The following SLC6A6 variants were observed in gnomAD, a reference collection of about 807,000 sequenced individuals.
The protein encoded by SLC6A6 is sodium- and chloride-dependent taurine transporter.
SLC6A6 carries 16 observed loss-of-function variants against 68.8 expected under a neutral mutation model. The observed-to-expected ratio is 0.23, with a 90% CI of 0.16 to 0.35. The LOEUF is 0.35. SLC6A6 is among the 10% of genes least tolerant of loss of function. The pLI, the probability that SLC6A6 is intolerant of heterozygous loss-of-function variation, is 1.00. For missense variants in SLC6A6, 474 were observed against 802.8 expected (o/e 0.59, Z 4.95); for synonymous variants, 312 against 315.4 (o/e 0.99, Z 0.12).
At chr3:14,406,455 T>C (rs1011971891) in intron 1 of SLC6A6, among the ~76,000 whole-genome samples, 11 of 151,908 alleles carry the variant, frequency 7.2e-5, no homozygotes, top group African/African-American at 2.4e-4. Context: ...GGAACTGGGG[T>C]CCAGGAGACG....
chr3:14,406,528 AAACAT>A (rs1304211661), intron 1 of SLC6A6, among the ~76,000 whole-genome samples: 1 of 152,154 alleles, frequency 6.6e-6, no homozygotes, highest in Non-Finnish European at 1.5e-5. Context: ...CTCTTTCTGT[AAACAT>A]GGGGGTGAAG....
rs1195285917 is a variant in SLC6A6 at position 14,477,045 on chromosome 3, A to G, written c.1210-160A>G. On this transcript the variant is annotated intron_variant, in intron 10 of 14. Coordinates refer to ENST00000622186, the MANE Select transcript of SLC6A6 (RefSeq NM_003043.6). This position sits in a 1 kb window ranked among gnomAD's most constrained non-coding sequence, Gnocchi z 4.2. Reference sequence around the variant, plus strand: ...CTCCCCAGGCACAGTCAGGGAGGCCAGGCTTCCACACTTGGACTTGATCTC... The same window carrying G: ...CTCCCCAGGCACAGTCAGGGAGGCCGGGCTTCCACACTTGGACTTGATCTC... Among the ~76,000 whole-genome samples the G allele has an allele frequency of 6.6e-6, 1 of 152,236 alleles. No individual in the cohort carries two copies. Among genetic ancestry groups the G allele is most frequent in the Non-Finnish European group, 1.5e-5 (1 of 68,034 alleles).
intron 2 of SLC6A6, among the ~76,000 whole-genome samples, chr3:14,418,908 A>C (rs796402434): frequency 2.0e-4 from 30 of 152,300 alleles, no homozygotes; most frequent in African/African-American, 7.0e-4. Flanking sequence ...CCACTTCCTC[A>C]GGCTGGGAAC....
At chr3:14,475,887 C>T (rs1219915456) in intron 10 of SLC6A6, among the ~76,000 whole-genome samples, 4 of 152,184 alleles carry the variant, frequency 2.6e-5, no homozygotes, top group Non-Finnish European at 5.9e-5. Context: ...TTCCCTTATT[C>T]CTGGTGGCAG....
chr3:14,409,969 C>T (rs1256284010), intron 1 of SLC6A6, among the ~76,000 whole-genome samples: 2 of 152,114 alleles, frequency 1.3e-5, no homozygotes, highest in South Asian at 2.1e-4. Context: ...GGGCGGATCA[C>T]GAGGTCAGGA....
At position 14,433,548 on chromosome 3, in the gene SLC6A6, T is replaced by C. The variant is rs115240874; in HGVS notation, c.-11-10076T>C. Among the ~76,000 whole-genome samples, 1,199 of 152,212 alleles carry C rather than the reference T, an allele frequency of 7.9e-3. 23 individuals carry two copies. The highest frequency in any genetic ancestry group is 0.027 in the African/African-American group (1,129 of 41,516). On this transcript the variant is annotated intron_variant, in intron 2 of 14. Coordinates refer to ENST00000622186, the MANE Select transcript of SLC6A6 (RefSeq NM_003043.6). ...TGAGCACGGTAGCTCCCATCTATAATCTCAGCACTTTGGGAGGCCAAGGCA... is the reference window on the plus strand; with the variant it reads ...TGAGCACGGTAGCTCCCATCTATAACCTCAGCACTTTGGGAGGCCAAGGCA...
rs187889832 is a variant in SLC6A6, at chr3:14,479,638, G to A, written c.1551+453G>A. 3.5e-3 allele frequency among the ~76,000 whole-genome samples: 535 copies of A among 152,260 alleles called. 11 individuals are homozygous for A. Among genetic ancestry groups the A allele is most frequent in the Non-Finnish European group, 8.4e-4 (57 of 68,020 alleles). On this transcript the variant is annotated intron_variant, in intron 13 of 14. Transcript: ENST00000622186. The stretch of plus-strand genomic sequence containing the variant: ...GGAAATGGGGTGTTTCCATGGAGAG[G>A]TGGGGGTAGTAGCTTAGAGAGGGGA...
Position 14,402,748 on chromosome 3 carries a change from C to A in SLC6A6, c.-153C>A, listed in dbSNP as rs1699012038. 2.5e-6 allele frequency: 1 copy of A among 397,960 alleles called. No homozygotes were observed. Among genetic ancestry groups the A allele is most frequent in the Non-Finnish European group, 4.4e-6 (1 of 225,704 alleles). 24.7% of individuals were successfully genotyped at this position (397,960 alleles called of 1,614,324 possible). ...AGCTGCGCCAAGAGGGAGTGCGGAG[C>A]GTTCACCCAGCGGGTCAGAGAGCGA... On this transcript the variant is annotated 5_prime_UTR_variant, in exon 1 of 15. Transcript: ENST00000622186. This position sits in a 1 kb window ranked among gnomAD's most constrained non-coding sequence, Gnocchi z 4.8.
At chr3:14,408,119 C>T (rs1411297741) in intron 1 of SLC6A6, among the ~76,000 whole-genome samples, 4 of 152,088 alleles carry the variant, frequency 2.6e-5, no homozygotes, top group African/African-American at 9.7e-5. Flanking sequence ...CATATATTTT[C>T]CTTTCTCTAG....
At chr3:14,419,413 T>C (rs900322807) in intron 2 of SLC6A6, among the ~76,000 whole-genome samples, 4 of 152,164 alleles carry the variant, frequency 2.6e-5, no homozygotes, top group Admixed American at 1.3e-4. Flanking sequence ...GATGCGGACA[T>C]GGGAATGTGT....
At chr3:14,467,386 G>A (rs1047766273) in intron 7 of SLC6A6, among the ~76,000 whole-genome samples, 17 of 152,250 alleles carry the variant, frequency 1.1e-4, no homozygotes, top group Admixed American at 6.5e-4. Context: ...ATTCTAACTC[G>A]GGGGTCTGCA....
At chr3:14,462,592 A>G (rs1299128966) in intron 6 of SLC6A6, among the ~76,000 whole-genome samples, 1 of 152,092 alleles carries the variant, frequency 6.6e-6, no homozygotes, top group Non-Finnish European at 1.5e-5. Context: ...CCAGCTACTC[A>G]GGAGGCTGAG....
chr3:14,455,879 G>T (rs971004153), intron 5 of SLC6A6, among the ~76,000 whole-genome samples: 1 of 152,272 alleles, frequency 6.6e-6, no homozygotes, highest in African/African-American at 2.4e-5. Flanking sequence ...CTGCCCCAAG[G>T]TGCCAGGTGA....
rs3214656 is a variant in SLC6A6, at chr3:14,477,994, G to GC, written c.1348-463dup. ...AGCCAGGGCACGCTCTCTCCTGCATGCCCCCCCCCACCACCTCCCCTGTTC... is the reference window on the plus strand; with the variant it reads ...AGCCAGGGCACGCTCTCTCCTGCATGCCCCCCCCCCACCACCTCCCCTGTTC... On this transcript the variant is annotated intron_variant, in intron 11 of 14. Transcript: ENST00000622186. This position sits in a 1 kb window ranked among gnomAD's most constrained non-coding sequence, Gnocchi z 4.2. Among the ~76,000 whole-genome samples the GC allele has an allele frequency of 7.0e-3, 1,054 of 150,984 alleles. 6 individuals are homozygous for GC. The highest frequency in any genetic ancestry group is 0.011 in the African/African-American group (469 of 41,064).
intron 1 of SLC6A6, among the ~76,000 whole-genome samples, 199 bp downstream of exon 1, chr3:14,403,046 G>C (rs6773739): frequency 1.2e-3 from 181 of 152,104 alleles, no homozygotes; most frequent in African/African-American, 4.2e-3. Context: ...CCCGGCAAAA[G>C]GGCTCCGGCT....
intron 2 of SLC6A6, among the ~76,000 whole-genome samples, chr3:14,425,723 G>C (rs1018191055): frequency 6.6e-6 from 1 of 151,980 alleles, no homozygotes; most frequent in Non-Finnish European, 1.5e-5. Flanking sequence ...GGGCAGGGAG[G>C]GTGGAAGGCA....
In SLC6A6 at chr3:14,443,622, A is replaced by G. The variant is rs1239190047; in HGVS notation, c.-11-2A>G. On this transcript the variant is annotated splice_acceptor_variant, in intron 2 of 14. Transcript: ENST00000622186. LOFTEE classifies it low-confidence loss of function (5UTR_SPLICE). The stretch of plus-strand genomic sequence containing the variant: ...AGGATGCTTCTCTTTTGTCCCCCAT[A>G]GAAAGCAAGGAGATGGCCACCAAGG... 8.2e-6 allele frequency: 13 copies of G among 1,591,920 alleles called. No individual in the cohort carries two copies. The highest frequency in any genetic ancestry group is 1.1e-5 in the Non-Finnish European group (13 of 1,161,630).
intron 1 of SLC6A6, among the ~76,000 whole-genome samples, chr3:14,409,970 G>T (rs141824401): frequency 1.3e-5 from 2 of 152,088 alleles, no homozygotes; most frequent in Admixed American, 1.3e-4. Context: ...GGCGGATCAC[G>T]AGGTCAGGAG....
At chr3:14,456,428 T>C (rs1700369475) in intron 5 of SLC6A6, among the ~76,000 whole-genome samples, 2 of 152,198 alleles carry the variant, frequency 1.3e-5, no homozygotes, top group South Asian at 2.1e-4. Flanking sequence ...CAGGTCTTTA[T>C]TGAGGTCCTC....
Sources: gnomAD v4.1 joint callset for allele counts (sites outside exome capture counted in the v4.1 genomes callset) on GRCh38, gnomAD v4.1.1 for gene constraint, Gnocchi (gnomAD v3.1) non-coding constraint, MANE v1.5 for transcripts, NCBI Gene and HGNC (gene_info 2026-07-23, HGNC 2026-07-21) for gene names.